Variants in RPH3A observed in about 807,000 individuals in gnomAD.
RPH3A encodes the protein rabphilin 3A.
RPH3A carries 48 observed loss-of-function variants against 102.2 expected under a neutral mutation model. The ratio of observed to expected loss-of-function variants is 0.47; its 90% confidence interval spans 0.37 to 0.60. The LOEUF (loss-of-function observed/expected upper bound fraction) is 0.60, where lower values mean the gene tolerates loss of function less well. RPH3A is among the 20% of genes least tolerant of loss of function. RPH3A has a pLI of 0.00. For missense variants in RPH3A, 781 were observed against 910.1 expected, an observed-to-expected ratio of 0.86 and a Z score of 1.83; for synonymous variants, 310 against 324.3, an observed-to-expected ratio of 0.96 and a Z score of 0.47.
intron 1 of RPH3A, among the ~76,000 whole-genome samples, chr12:112,786,513 G>A (rs1377032901): frequency 6.6e-6 from 1 of 152,218 alleles, no homozygotes; most frequent in East Asian, 1.9e-4. Context: ...GTCCCTGACA[G>A]TAGCATTTCC....
At chr12:112,767,325 G>A (rs112786358) in intron 1 of RPH3A, among the ~76,000 whole-genome samples, 2 of 152,124 alleles carry the variant, frequency 1.3e-5, no homozygotes, top group Non-Finnish European at 2.9e-5. Context: ...ACCCCTTATT[G>A]TCCTCCTCCT....
chr12:112,734,592 C>T (rs1189943226), intron 1 of RPH3A, among the ~76,000 whole-genome samples: 1 of 152,220 alleles, frequency 6.6e-6, no homozygotes, highest in Non-Finnish European at 1.5e-5. Context: ...AGAATGGCTA[C>T]TCCATAGGCA....
At chr12:112,616,985 A>G (rs1008445621) in intron 1 of RPH3A, among the ~76,000 whole-genome samples, 3 of 152,184 alleles carry the variant, frequency 2.0e-5, no homozygotes, top group African/African-American at 4.8e-5. Flanking sequence ...ACTCTGGGCA[A>G]GGACCCAGCT....
At chr12:112,821,408 C>T (rs1197074777) in intron 2 of RPH3A, among the ~76,000 whole-genome samples, 1 of 152,140 alleles carries the variant, frequency 6.6e-6, no homozygotes, top group Non-Finnish European at 1.5e-5. Context: ...ATCTGACACC[C>T]ACCCCCACCA....
At chr12:112,823,535 A>T (rs558743751) in intron 2 of RPH3A, among the ~76,000 whole-genome samples, 1 of 152,352 alleles carries the variant, frequency 6.6e-6, no homozygotes, top group African/African-American at 2.4e-5. Context: ...TTACCACTTT[A>T]CAAGTCTTTG....
chr12:112,894,543 C>T (rs1328216828), intron 19 of RPH3A, 35 bp from the exon 20 acceptor site: 12 of 1,598,812 alleles, frequency 7.5e-6, no homozygotes, highest in South Asian at 1.1e-5. Flanking sequence ...ATTCATTAAA[C>T]GTCATCCATA....
intron 1 of RPH3A, among the ~76,000 whole-genome samples, chr12:112,676,084 C>T (rs80160014): frequency 0.025 from 3,747 of 152,160 alleles, 95 homozygotes; most frequent in South Asian, 0.055. Context: ...AATCTGTCTG[C>T]GGCCCAGACT....
chr12:112,876,738 G>C lies in RPH3A; in HGVS notation c.1043G>C (p.Arg348Pro), dbSNP rs765734866. ...GYPAVGARED[R>P]MSHPSGPYSQ... is the part of the protein sequence containing the mutation. ...CCAGCAGTTGGAGCCAGAGAGGACC[G>C]AATGAGCCACCCCTCCGGACCCTAT... The change falls in exon 13 of 22, where the codon CGA becomes CCA. Residue 348 changes from arginine to proline, a missense_variant. Arg to Pro is a moderately radical substitution (Grantham distance 103, BLOSUM62 -2). This residue lies in a region of RPH3A where 730 missense variants were observed against 810.0 expected (regional missense o/e 0.90). Coordinates refer to ENST00000389385, the MANE Select transcript of RPH3A (RefSeq NM_001143854.2). 5 of 1,613,358 alleles carry C rather than the reference G, an allele frequency of 3.1e-6. No homozygotes were observed. In the Admixed American group the frequency reaches 8.3e-5, roughly 27 times the overall value.
At chr12:112,839,988 CA>C (rs1005790719) in intron 4 of RPH3A, among the ~76,000 whole-genome samples, 68 of 149,010 alleles carry the variant, frequency 4.6e-4, no homozygotes, top group South Asian at 4.5e-3. Context: ...GACACCATCT[CA>C]AAAAAAAAGA....
upstream of RPH3A, among the ~76,000 whole-genome samples, chr12:112,790,684 C>G (rs74704403): frequency 0.022 from 3,312 of 152,306 alleles, 131 homozygotes; most frequent in African/African-American, 0.076. Context: ...CCTTTTGATA[C>G]TTTTATTTCA....
At chr12:112,796,345 T>C (rs1274483677) in intron 2 of RPH3A, among the ~76,000 whole-genome samples, 7 of 152,232 alleles carry the variant, frequency 4.6e-5, no homozygotes, top group Non-Finnish European at 7.3e-5. Flanking sequence ...GAAATGCCTA[T>C]GGCACTTCTT....
chr12:112,614,284 T>C lies in RPH3A; in HGVS notation c.-140+38965T>C, dbSNP rs148804590. On this transcript the variant is annotated intron_variant, in intron 1 of 21. Transcript: ENST00000543106. ...CACCAGATGTTTGTCCTTGGGGTAG[T>C]GAATAAATCTCCCTGAGCCTCAATT... 9.6e-4 allele frequency among the ~76,000 whole-genome samples: 146 copies of C among 152,244 alleles called. 1 individual carries two copies. The highest frequency in any genetic ancestry group is 3.4e-3 in the African/African-American group (141 of 41,564).
chr12:112,730,708 A>T (rs999769405), intron 1 of RPH3A, among the ~76,000 whole-genome samples: 2 of 152,086 alleles, frequency 1.3e-5, no homozygotes, highest in African/African-American at 4.8e-5. Flanking sequence ...TAACTTTCTC[A>T]TCTACAACCC....
At chr12:112,880,370 AG>A (rs902475813) in intron 14 of RPH3A, among the ~76,000 whole-genome samples, 2 of 152,208 alleles carry the variant, frequency 1.3e-5, no homozygotes, top group Admixed American at 1.3e-4. Flanking sequence ...CCAATAACAC[AG>A]TGAAGTAAGT....
At chr12:112,719,554 T>C (rs1005934519) in intron 1 of RPH3A, among the ~76,000 whole-genome samples, 12 of 152,198 alleles carry the variant, frequency 7.9e-5, no homozygotes, top group African/African-American at 2.4e-4. Flanking sequence ...CCCCAGTAGA[T>C]TGAACACTCC....
intron 1 of RPH3A, among the ~76,000 whole-genome samples, chr12:112,738,951 C>T (rs888040401): frequency 5.3e-5 from 8 of 152,078 alleles, no homozygotes; most frequent in African/African-American, 1.4e-4. Context: ...AAAGTAGGGT[C>T]GCAGTATGAG....
chr12:112,803,077 G>A (rs564676044), intron 2 of RPH3A, among the ~76,000 whole-genome samples: 3 of 152,236 alleles, frequency 2.0e-5, no homozygotes, highest in African/African-American at 7.2e-5. Flanking sequence ...GGTTGTCATG[G>A]CAGCGGGTCT....
intron 1 of RPH3A, among the ~76,000 whole-genome samples, chr12:112,721,880 T>G (rs1043534314): frequency 2.6e-5 from 4 of 152,188 alleles, no homozygotes; most frequent in Non-Finnish European, 4.4e-5. Context: ...ATGTCTCCAA[T>G]TTTCATGCAT....
chr12:112,855,923 CAG>C (rs1300676362), intron 5 of RPH3A, among the ~76,000 whole-genome samples: 1 of 151,892 alleles, frequency 6.6e-6, no homozygotes, highest in Non-Finnish European at 1.5e-5. Context: ...GACAGAAAGA[CAG>C]AGAAAGAGGC....
Sources: allele counts gnomAD v4.1 joint callset (sites outside exome capture counted in the v4.1 genomes callset), GRCh38; gene constraint gnomAD v4.1.1; regional missense constraint gnomAD v4.1.1; transcripts MANE v1.5; gene names NCBI Gene and HGNC (gene_info 2026-07-23, HGNC 2026-07-21).